Variants in ARIH2 observed in about 807,000 individuals in gnomAD.
The protein encoded by ARIH2 is ariadne RBR E3 ubiquitin protein ligase 2.
In ARIH2, 12 loss-of-function variants were observed where a neutral mutation model predicts 79.8. That is an observed-to-expected ratio of 0.15 (90% CI 0.10 to 0.24). The LOEUF is 0.24. Ranked by LOEUF, ARIH2 falls within the 10% of genes least tolerant of loss-of-function variation. The pLI is 1.00. For missense variants in ARIH2, 301 were observed against 618.3 expected (o/e 0.49, Z 5.44); for synonymous variants, 224 against 213.9 (o/e 1.05, Z -0.41).
intron 3 of ARIH2, among the ~76,000 whole-genome samples, chr3:48,948,459 T>C (rs1273315402): frequency 6.6e-6 from 1 of 151,922 alleles, no homozygotes; most frequent in African/African-American, 2.4e-5. Context: ...GTGCTAATTT[T>C]ATATTTTTAG....
chr3:48,959,669 A>AAAAAAAAAAAAAAAAAAAAAAG (rs2091037901), intron 3 of ARIH2, among the ~76,000 whole-genome samples: 1 of 150,956 alleles, frequency 6.6e-6, no homozygotes, highest in Non-Finnish European at 1.5e-5. Flanking sequence ...AAAAAAAAAA[A>AAAAAAAAAAAAAAAAAAAAAAG]AAAAAAGAAA....
intron 3 of ARIH2, among the ~76,000 whole-genome samples, chr3:48,930,381 G>A (rs1236987311): frequency 6.6e-6 from 1 of 152,182 alleles, no homozygotes; most frequent in Non-Finnish European, 1.5e-5. Context: ...TACTCAGGAG[G>A]CTGAGGTGGG....
At chr3:48,974,718 C>T in intron 9 of ARIH2, 99 bp from the exon 10 acceptor site, 1 of 1,263,802 alleles carries the variant, frequency 7.9e-7, no homozygotes, top group Non-Finnish European at 1.2e-6. Flanking sequence ...AGTGCTCACA[C>T]CATGAGCAAC....
At chr3:48,924,179 A>G in intron 2 of ARIH2, among the ~76,000 whole-genome samples, 1 of 151,968 alleles carries the variant, frequency 6.6e-6, no homozygotes, top group Non-Finnish European at 1.5e-5. Flanking sequence ...TCCTTTTGGT[A>G]GACGTGAGTG....
In ARIH2 at chr3:48,986,079, G is replaced by T. The variant is rs777041779; in HGVS notation, c.*2809G>T. ...ATTTGTGGTGTCAGAAGTGGCAGTA[G>T]TGTCAGTGATAAGTAGCTCAGGGGT... On this transcript the variant is annotated 3_prime_UTR_variant, in exon 16 of 16. Coordinates refer to ENST00000356401, the MANE Select transcript of ARIH2 (RefSeq NM_006321.4). 1 of 152,298 alleles carries T rather than the reference G, an allele frequency of 6.6e-6. No homozygotes were observed. Among genetic ancestry groups the T allele is most frequent in the Non-Finnish European group, 1.5e-5 (1 of 68,122 alleles). 9.4% of individuals were successfully genotyped at this position (152,298 alleles called of 1,614,324 possible).
chr3:48,973,747 C>T lies in ARIH2; in HGVS notation c.819C>T (p.Ile273=). 1 of 1,614,180 alleles carries T rather than the reference C, an allele frequency of 6.2e-7. No homozygotes were observed. Residue 273 remains isoleucine (I), a synonymous_variant, in exon 9 of 16, where the codon ATC becomes ATT. Coordinates refer to ENST00000356401, the MANE Select transcript of ARIH2 (RefSeq NM_006321.4). The stretch of plus-strand genomic sequence containing the variant: ...ACGCACCCACAGACTGTGCCACAAT[C>T]CGGAAATGGCTCACGAAGTGTGCAG... ...MYHAPTDCAT[I]RKWLTKCADD...
At chr3:48,934,900 TTCTG>T (rs954304981) in intron 3 of ARIH2, 60 of 985,406 alleles carry the variant, frequency 6.1e-5, no homozygotes, top group Middle Eastern at 1.0e-3. Context: ...TTGTTGTGCT[TTCTG>T]TCTACCTCAG....
intron 3 of ARIH2, 30 bp downstream of exon 3, chr3:48,927,843 C>G: frequency 6.2e-7 from 1 of 1,603,062 alleles, no homozygotes; most frequent in Non-Finnish European, 8.5e-7. Context: ...CCAGTGTAAT[C>G]CCCCCCAGTT....
chr3:48,934,538 G>T, intron 3 of ARIH2: 4 of 985,344 alleles, frequency 4.1e-6, no homozygotes, highest in Non-Finnish European at 4.8e-6. Context: ...CTATTTTTGT[G>T]ATCTGATGTG....
chr3:48,936,944 C>G (rs567694878), intron 3 of ARIH2, among the ~76,000 whole-genome samples: 3 of 151,830 alleles, frequency 2.0e-5, no homozygotes, highest in African/African-American at 7.3e-5. Flanking sequence ...AGGAGAATGG[C>G]GTGAACCCGG....
chr3:48,919,846 C>T (rs2084523644), intron 1 of ARIH2, among the ~76,000 whole-genome samples: 1 of 152,116 alleles, frequency 6.6e-6, no homozygotes, highest in Non-Finnish European at 1.5e-5. Context: ...CTGAATTCAG[C>T]GCTAGTGATC....
rs982170008 is a variant in ARIH2, at chr3:48,945,058, G to A, written c.256-16554G>A. On this transcript the variant is annotated intron_variant, in intron 3 of 15. Transcript: ENST00000356401. ...GGCTGAGGCATGAAGACCCATTCAT[G>A]TAGCCTTAAAAGATTTCAGGCAGTT... The A allele has an allele frequency of 9.0e-6, 11 of 1,219,132 alleles. No homozygotes were observed. The East Asian group carries it at 6.2e-4, about 69-fold the overall frequency. The allele number at this position is 1,219,132 out of a possible 1,614,324, so 75.5% of individuals were successfully genotyped here.
intron 3 of ARIH2, chr3:48,934,585 G>A (rs2086858605): frequency 1.0e-6 from 1 of 985,394 alleles, no homozygotes; most frequent in Non-Finnish European, 1.2e-6. Flanking sequence ...GTAGAACTTA[G>A]GTTAAATTCC....
At chr3:48,960,529 C>T (rs1308067410) in intron 3 of ARIH2, among the ~76,000 whole-genome samples, 1 of 151,568 alleles carries the variant, frequency 6.6e-6, no homozygotes, top group Non-Finnish European at 1.5e-5. Flanking sequence ...TTTGGGAGGC[C>T]AAGGCAGGCG....
intron 3 of ARIH2, among the ~76,000 whole-genome samples, chr3:48,939,121 C>T (rs2107176597): frequency 6.6e-6 from 1 of 152,106 alleles, no homozygotes; most frequent in Middle Eastern, 3.4e-3. Flanking sequence ...GCGCCTGCCA[C>T]CACACCTGGC....
chr3:48,973,951 C>T (rs2092378283), intron 9 of ARIH2, 135 bp downstream of exon 9: 1 of 615,952 alleles, frequency 1.6e-6, no homozygotes, highest in Non-Finnish European at 2.9e-6. Flanking sequence ...GTTTGGGGAC[C>T]CTCACACAGA....
At chr3:48,962,427 A>G (rs957063598) in intron 4 of ARIH2, among the ~76,000 whole-genome samples, 1 of 151,970 alleles carries the variant, frequency 6.6e-6, no homozygotes, top group African/African-American at 2.4e-5. Context: ...CACCACCTCT[A>G]CCAGCAGTGT....
intron 3 of ARIH2, among the ~76,000 whole-genome samples, chr3:48,947,441 C>CAA (rs71077757): frequency 0.012 from 1,429 of 118,474 alleles, 17 homozygotes; most frequent in African/African-American, 0.026. Context: ...AACTCTGTCT[C>CAA]AAAAAAAAAA....
intron 3 of ARIH2, among the ~76,000 whole-genome samples, chr3:48,952,411 G>A (rs1423158216): frequency 6.6e-6 from 1 of 152,132 alleles, no homozygotes; most frequent in Non-Finnish European, 1.5e-5. Context: ...TTTTAAACAA[G>A]GTAGGAACTG....
Sources: allele counts gnomAD v4.1 joint callset (sites outside exome capture counted in the v4.1 genomes callset), GRCh38; gene constraint gnomAD v4.1.1; transcripts MANE v1.5; gene names NCBI Gene and HGNC (gene_info 2026-07-23, HGNC 2026-07-21).